Variants in GGTA1 observed in about 807,000 individuals in gnomAD.
The protein encoded by GGTA1 is glycoprotein alpha-galactosyltransferase 1 (inactive).
A neutral mutation model predicts 2.6 loss-of-function variants in GGTA1; 5 were observed. The observed-to-expected ratio is 1.92, with a 90% CI of 1.00 to 4.04. The LOEUF (loss-of-function observed/expected upper bound fraction) is 4.04. GGTA1 is among the 30% of genes most tolerant of loss of function. The pLI, the probability that GGTA1 is intolerant of heterozygous loss-of-function variation, is 0.00. For missense variants in GGTA1, 50 were observed against 16.7 expected (o/e 2.99, Z -3.47); for synonymous variants, 17 against 5.0 (o/e 3.38, Z -3.19).
chr9:121,449,839 C>CAAAAAAAAA (rs35123086), intron 7 of GGTA1, among the ~76,000 whole-genome samples: 1 of 94,352 alleles, frequency 1.1e-5, no homozygotes, highest in Admixed American at 1.3e-4. Context: ...GACTCCATCT[C>CAAAAAAAAA]AAAAAAAAAA....
intron 7 of GGTA1, among the ~76,000 whole-genome samples, chr9:121,449,462 G>A (rs560979102): frequency 6.6e-6 from 1 of 152,348 alleles, no homozygotes; most frequent in South Asian, 2.1e-4. Flanking sequence ...AGCATTTGGT[G>A]TTGTCAGTGT....
intron 1 of GGTA1, among the ~76,000 whole-genome samples, chr9:121,490,871 T>A (rs1828858339): frequency 6.6e-6 from 1 of 152,226 alleles, no homozygotes; most frequent in Non-Finnish European, 1.5e-5. Context: ...CTGGCCTATA[T>A]GCCTTCTCAT....
intron 4 of GGTA1, 68 bp downstream of exon 4, chr9:121,461,184 A>G (rs1326282428): frequency 1.7e-5 from 7 of 423,410 alleles, no homozygotes; most frequent in Non-Finnish European, 3.2e-5. Flanking sequence ...ACATGAAACC[A>G]TTGTGTGTGG....
downstream of GGTA1, among the ~76,000 whole-genome samples, chr9:121,454,738 C>T (rs1040091104): frequency 8.5e-5 from 13 of 152,252 alleles, no homozygotes; most frequent in South Asian, 8.3e-4. Flanking sequence ...ATAAGCCGGG[C>T]GCGGTGGCTC....
At chr9:121,449,338 G>GT (rs1194840735) in intron 7 of GGTA1, among the ~76,000 whole-genome samples, 1 of 152,162 alleles carries the variant, frequency 6.6e-6, no homozygotes, top group Non-Finnish European at 1.5e-5. Flanking sequence ...GGATCGTGTG[G>GT]TAAGAATATA....
intron 5 of GGTA1, among the ~76,000 whole-genome samples, chr9:121,456,286 CA>C (rs1427875127): frequency 2.0e-5 from 3 of 152,230 alleles, no homozygotes; most frequent in African/African-American, 4.8e-5. Flanking sequence ...AGAAGTTCCA[CA>C]AAAGCTTCCC....
chr9:121,460,970 G>C (rs540277631), intron 4 of GGTA1, among the ~76,000 whole-genome samples: 1 of 152,190 alleles, frequency 6.6e-6, no homozygotes, highest in African/African-American at 2.4e-5. Flanking sequence ...CTAGCTACTC[G>C]TGAGGCTGAG....
intron 2 of GGTA1, among the ~76,000 whole-genome samples, chr9:121,465,055 T>C (rs2064995393): frequency 6.6e-6 from 1 of 150,908 alleles, no homozygotes; most frequent in Admixed American, 6.6e-5. Flanking sequence ...TTTTTGCAGA[T>C]GTTCAAGTGG....
chr9:121,449,839 CAAAAAAAA>C (rs35123086), intron 7 of GGTA1, among the ~76,000 whole-genome samples: 4 of 94,360 alleles, frequency 4.2e-5, no homozygotes, highest in Non-Finnish European at 7.7e-5. Flanking sequence ...GACTCCATCT[CAAAAAAAA>C]AAAAAAAAAA....
At chr9:121,470,073 C>T (rs538246467) in intron 1 of GGTA1, among the ~76,000 whole-genome samples, 1 of 152,326 alleles carries the variant, frequency 6.6e-6, no homozygotes, top group South Asian at 2.1e-4. Context: ...GTGTGCTATG[C>T]CTCCTGTCTT....
chr9:121,481,628 G>A (rs1327757409), intron 1 of GGTA1, among the ~76,000 whole-genome samples: 7 of 143,506 alleles, frequency 4.9e-5, no homozygotes, highest in Non-Finnish European at 1.0e-4. Flanking sequence ...GTTGCAGTGA[G>A]CCAAGATTGC....
intron 1 of GGTA1, among the ~76,000 whole-genome samples, chr9:121,475,229 A>G (rs1051565371): frequency 4.6e-5 from 7 of 152,020 alleles, no homozygotes; most frequent in Non-Finnish European, 7.4e-5. Flanking sequence ...TCACTGCTAC[A>G]CTCCCACCAG....
chr9:121,464,995 ACAAAACAAAC>A lies in GGTA1; in HGVS notation c.81-1677_81-1668del, dbSNP rs778696914. ...GGCCAATTCGTAAAGTGGCAAAAAA[ACAAAACAAAC>A]AAAAAAAAAAAAACAAAAAACAACT... On this transcript the variant is annotated intron_variant, in intron 2 of 5. Transcript: ENST00000481799. 3.1e-3 allele frequency among the ~76,000 whole-genome samples: 403 copies of A among 129,220 alleles called. 10 individuals carry two copies. Among genetic ancestry groups the A allele is most frequent in the South Asian group, 4.7e-3 (20 of 4,230 alleles). The allele number at this position is 129,220 out of a possible 152,430, so 84.8% of individuals were successfully genotyped here.
chr9:121,484,044 A>G (rs1828706109), intron 1 of GGTA1, among the ~76,000 whole-genome samples: 1 of 152,174 alleles, frequency 6.6e-6, no homozygotes, highest in Admixed American at 6.5e-5. Context: ...GGGGCTGCAG[A>G]ACGTGGTGGT....
chr9:121,450,693 G>C (rs2064874021), downstream of GGTA1, among the ~76,000 whole-genome samples: 2 of 152,182 alleles, frequency 1.3e-5, no homozygotes, highest in Non-Finnish European at 2.9e-5. Flanking sequence ...TGTGCCAAAG[G>C]ATTAGGTGAG....
intron 1 of GGTA1, among the ~76,000 whole-genome samples, chr9:121,481,760 G>C (rs1034559777): frequency 1.9e-4 from 28 of 150,906 alleles, no homozygotes; most frequent in Non-Finnish European, 1.9e-4. Context: ...ACTTTGGGAG[G>C]CTGAGGCGGG....
downstream of GGTA1, among the ~76,000 whole-genome samples, chr9:121,451,470 CCACCG>C (rs1173160127): frequency 6.6e-6 from 1 of 152,200 alleles, no homozygotes; most frequent in Non-Finnish European, 1.5e-5. Flanking sequence ...CAGATGTGAG[CCACCG>C]CACCTGGCCT....
At chr9:121,445,728 T>C (rs1167820384) in exon 8 of GGTA1, 1 of 152,192 alleles carries the variant, frequency 6.6e-6, no homozygotes, top group African/African-American at 2.4e-5. Context: ...GCCAAGTATG[T>C]CTAATTATTA....
At chr9:121,493,243 A>T (rs1050386712) in intron 1 of GGTA1, among the ~76,000 whole-genome samples, 2 of 151,920 alleles carry the variant, frequency 1.3e-5, no homozygotes, top group South Asian at 2.1e-4. Context: ...AGTCTGAGTA[A>T]AGCCAGGAAG....
Sources: gnomAD v4.1 joint callset for allele counts (sites outside exome capture counted in the v4.1 genomes callset) on GRCh38, gnomAD v4.1.1 for gene constraint, MANE v1.5 for transcripts, NCBI Gene and HGNC (gene_info 2026-07-23, HGNC 2026-07-21) for gene names.